The following MLLT10 variants were observed in gnomAD, a reference collection of about 807,000 sequenced individuals.
MLLT10 encodes the protein protein AF-10.
A neutral mutation model predicts 129.1 loss-of-function variants in MLLT10; 30 were observed. The observed-to-expected ratio is 0.23, with a 90% CI of 0.17 to 0.32. MLLT10 has a LOEUF of 0.32. Among genes scored for constraint, MLLT10 ranks in the 10% least tolerant of loss-of-function variants. The probability of loss-of-function intolerance (pLI) is 1.00; values close to 1 mark genes in which losing one functional copy is unlikely to be tolerated. For synonymous variants in MLLT10, 490 were observed against 446.4 expected (o/e 1.10, Z -1.23); for missense variants, 1,119 against 1,268.3 (o/e 0.88, Z 1.79).
chr10:21,712,647 A>G (rs1279205114), intron 13 of MLLT10, among the ~76,000 whole-genome samples: 1 of 152,006 alleles, frequency 6.6e-6, no homozygotes, highest in African/African-American at 2.4e-5. Context: ...CTCGGCCTCC[A>G]CACTATTAAC....
chr10:21,550,927 ATT>A (rs200972062), intron 3 of MLLT10, among the ~76,000 whole-genome samples: 7 of 100,814 alleles, frequency 6.9e-5, no homozygotes, highest in Non-Finnish European at 4.4e-5. Context: ...TTTATCTTTA[ATT>A]TTTTTTTTTT....
intron 8 of MLLT10, among the ~76,000 whole-genome samples, chr10:21,620,972 C>G (rs1483993156): frequency 6.6e-6 from 1 of 151,304 alleles, no homozygotes; most frequent in African/African-American, 2.4e-5. Context: ...CGTGAGCCAC[C>G]ATACCCTGCC....
chr10:21,613,143 G>A (rs2044826366), intron 6 of MLLT10, among the ~76,000 whole-genome samples: 1 of 136,520 alleles, frequency 7.3e-6, no homozygotes, highest in Non-Finnish European at 1.5e-5. Flanking sequence ...GCAGTGAACC[G>A]AGATTGCGCC....
At chr10:21,575,394 A>T (rs1473912558) in intron 3 of MLLT10, among the ~76,000 whole-genome samples, 1 of 152,152 alleles carries the variant, frequency 6.6e-6, no homozygotes, top group Non-Finnish European at 1.5e-5. Flanking sequence ...ATGGAGTTTC[A>T]TCATGTAGGC....
intron 14 of MLLT10, 39 bp downstream of exon 14, chr10:21,713,989 G>A (rs370140908): frequency 6.5e-7 from 1 of 1,536,992 alleles, no homozygotes; most frequent in Non-Finnish European, 8.8e-7. Flanking sequence ...TAATAGGTGG[G>A]TTTCTCATTT....
chr10:21,602,724 A>G (rs2043662703), intron 5 of MLLT10, among the ~76,000 whole-genome samples: 2 of 151,192 alleles, frequency 1.3e-5, no homozygotes, highest in South Asian at 4.2e-4. Flanking sequence ...TTTTTCCTTT[A>G]TCTAAACTCT....
chr10:21,671,757 C>T (rs1285967411), intron 10 of MLLT10, among the ~76,000 whole-genome samples: 1 of 152,144 alleles, frequency 6.6e-6, no homozygotes, highest in East Asian at 1.9e-4. Flanking sequence ...TGCACTTCAG[C>T]CTGGGTGACA....
chr10:21,581,307 A>T (rs1365363504), intron 3 of MLLT10, among the ~76,000 whole-genome samples: 1 of 152,066 alleles, frequency 6.6e-6, no homozygotes, highest in African/African-American at 2.4e-5. Flanking sequence ...CGGCCTCCCA[A>T]AGTGCTGAGA....
At position 21,576,642 on chromosome 10, in the gene MLLT10, T is replaced by G. The variant is rs563162528; in HGVS notation, c.241-9652T>G. 2.6e-5 allele frequency among the ~76,000 whole-genome samples: 4 copies of G among 152,066 alleles called. No individual in the cohort carries two copies. The South Asian group carries it at 8.3e-4, about 32-fold the overall frequency. ...CGTGCTAATACACAATTTTTTTTTT[T>G]TTTTTGAGTTGGAGTTTTGCTCTTG... On this transcript the variant is annotated intron_variant, in intron 3 of 22. Coordinates refer to ENST00000307729, the MANE Select transcript of MLLT10 (RefSeq NM_001195626.3).
At chr10:21,590,195 C>G (rs1417596924) in intron 4 of MLLT10, among the ~76,000 whole-genome samples, 2 of 152,146 alleles carry the variant, frequency 1.3e-5, no homozygotes, top group Admixed American at 1.3e-4. Context: ...CCTGCCTCAT[C>G]CTTCCAAAGT....
chr10:21,624,614 T>A (rs2046242204), intron 8 of MLLT10: 1 of 1,421,038 alleles, frequency 7.0e-7, no homozygotes, highest in Admixed American at 2.2e-5. Flanking sequence ...CCCATAAGTA[T>A]CCTGATAAAA....
intron 11 of MLLT10, among the ~76,000 whole-genome samples, chr10:21,677,315 T>C (rs2052269256): frequency 6.6e-6 from 1 of 152,220 alleles, no homozygotes; most frequent in South Asian, 2.1e-4. Context: ...AGAAATCATT[T>C]AGTAATTGTG....
chr10:21,609,396 G>T (rs2044371164), intron 5 of MLLT10, among the ~76,000 whole-genome samples: 1 of 152,176 alleles, frequency 6.6e-6, no homozygotes. Flanking sequence ...TTGAGGAATT[G>T]CCCCGGGTCA....
At chr10:21,558,031 C>G (rs536986534) in intron 3 of MLLT10, among the ~76,000 whole-genome samples, 5 of 145,120 alleles carry the variant, frequency 3.4e-5, no homozygotes, top group East Asian at 2.1e-4. Context: ...CTCACTGCAA[C>G]CCCTGCCTCC....
At chr10:21,690,802 A>G (rs1413934612) in intron 13 of MLLT10, among the ~76,000 whole-genome samples, 1 of 151,990 alleles carries the variant, frequency 6.6e-6, no homozygotes, top group Non-Finnish European at 1.5e-5. Flanking sequence ...TGACTTTTGT[A>G]TTTAATTTTT....
chr10:21,740,728 T>C (rs1260846554), intron 22 of MLLT10, among the ~76,000 whole-genome samples: 3 of 152,226 alleles, frequency 2.0e-5, no homozygotes, highest in Admixed American at 6.5e-5. Context: ...TTTTTAGTTA[T>C]TAATTTCATG....
intron 3 of MLLT10, among the ~76,000 whole-genome samples, chr10:21,549,659 CTTTTTTTT>C (rs11374255): frequency 1.4e-4 from 17 of 121,982 alleles, no homozygotes; most frequent in African/African-American, 4.3e-4. Context: ...GAGTTGTACT[CTTTTTTTT>C]TTTTTTTTTT....
At chr10:21,665,962 A>C (rs924157147) in intron 9 of MLLT10, among the ~76,000 whole-genome samples, 1 of 152,034 alleles carries the variant, frequency 6.6e-6, no homozygotes, top group Non-Finnish European at 1.5e-5. Flanking sequence ...CTGACTCCAA[A>C]AGTTCTGGAA....
At chr10:21,593,260 C>T (rs1333306807) in intron 4 of MLLT10, among the ~76,000 whole-genome samples, 1 of 151,898 alleles carries the variant, frequency 6.6e-6, no homozygotes, top group Non-Finnish European at 1.5e-5. Context: ...GCACCTGACT[C>T]ATTATTTTTT....
Sources: gnomAD v4.1 joint callset for allele counts (sites outside exome capture counted in the v4.1 genomes callset) on GRCh38, gnomAD v4.1.1 for gene constraint, MANE v1.5 for transcripts, NCBI Gene and HGNC (gene_info 2026-07-23, HGNC 2026-07-21) for gene names.